The following PEX5 variants were observed in gnomAD, a reference collection of about 807,000 sequenced individuals.
The protein encoded by PEX5 is PTS1 receptor.
Under a neutral mutation model 82.9 loss-of-function variants are expected in PEX5, and 52 were observed. The ratio of observed to expected loss-of-function variants is 0.63; its 90% CI spans 0.50 to 0.79. PEX5 has a LOEUF of 0.79. PEX5 is among the 30% of genes least tolerant of loss of function. The probability of loss-of-function intolerance (pLI) is 0.00; values close to 1 mark genes in which losing one functional copy is unlikely to be tolerated. For missense variants in PEX5, 719 were observed against 815.2 expected, an observed-to-expected ratio of 0.88 and a Z score of 1.44; for synonymous variants, 300 against 318.8, an observed-to-expected ratio of 0.94 and a Z score of 0.63.
chr12:7,190,327 G>A (rs1940766443), intron 1 of PEX5, 35 bp from the exon 2 acceptor site: 2 of 1,610,104 alleles, frequency 1.2e-6, no homozygotes, highest in Non-Finnish European at 1.7e-6. Context: ...GGTCTGGCTT[G>A]GGTACCTCAG....
intron 6 of PEX5, among the ~76,000 whole-genome samples, chr12:7,200,223 A>T (rs1182947060): frequency 7.0e-6 from 1 of 142,310 alleles, no homozygotes; most frequent in Non-Finnish European, 1.5e-5. Context: ...GGTCGCGGCC[A>T]GGCAGAGGCG....
rs1171234790 is a variant in PEX5, at chr12:7,196,103, AT to A, written c.449-2905del. On this transcript the variant is annotated intron_variant, in intron 5 of 15. Transcript: ENST00000675855. ...TAATGTATTTCTTATGTTATAACGT[AT>A]TTCTTATTACATTATGTTATATATA... 1.9e-3 allele frequency among the ~76,000 whole-genome samples: 224 copies of A among 118,594 alleles called. 1 individual carries two copies. The highest frequency in any genetic ancestry group is 5.8e-3 in the African/African-American group (218 of 37,576). 77.8% of individuals were successfully genotyped at this position (118,594 alleles called of 152,430 possible).
At chr12:7,196,206 GTAA>G (rs201513368) in intron 5 of PEX5, among the ~76,000 whole-genome samples, 5 of 133,778 alleles carry the variant, frequency 3.7e-5, no homozygotes, top group East Asian at 2.1e-4. Flanking sequence ...TATATGTTAT[GTAA>G]TAATTATATA....
downstream of PEX5, among the ~76,000 whole-genome samples, chr12:7,212,272 A>AGTC (rs981098852): frequency 6.6e-6 from 1 of 151,938 alleles, no homozygotes; most frequent in African/African-American, 2.4e-5. Context: ...GCCAAAAAAA[A>AGTC]GTCTAACTTT....
chr12:7,217,904 ACAGT>A (rs1945823633), intron 17 of PEX5, among the ~76,000 whole-genome samples: 1 of 152,176 alleles, frequency 6.6e-6, no homozygotes, highest in South Asian at 2.1e-4. Context: ...AAGTCCCTTC[ACAGT>A]CAGTCCCTGG....
At chr12:7,216,823 G>T (rs1318846254) in intron 17 of PEX5, among the ~76,000 whole-genome samples, 2 of 152,090 alleles carry the variant, frequency 1.3e-5, no homozygotes, top group Non-Finnish European at 2.9e-5. Flanking sequence ...ACACAGCAGG[G>T]ACCCTGAAGT....
intron 5 of PEX5, among the ~76,000 whole-genome samples, chr12:7,196,043 T>A (rs1318430134): frequency 3.5e-5 from 5 of 142,468 alleles, no homozygotes; most frequent in African/African-American, 1.3e-4. Flanking sequence ...TTATATATAT[T>A]ATATATACAT....
rs1941018190 is a variant in PEX5 at position 7,191,113 on chromosome 12, TTC to T, written c.184-111_184-110del. ...CAGTTTCTCTTTATGTGTCTCCAGT[TTC>T]TGTGTTTTCCTTTCCTTGTATCTAA... On this transcript the variant is annotated intron_variant, in intron 3 of 15. Coordinates refer to ENST00000675855, the MANE Select transcript of PEX5 (RefSeq NM_001351132.2). 3 of 1,289,552 alleles carry T rather than the reference TTC, an allele frequency of 2.3e-6. No homozygotes were observed. In the East Asian group the frequency reaches 6.9e-5, roughly 30 times the overall value. The allele number at this position is 1,289,552 out of a possible 1,614,324, so 79.9% of individuals were successfully genotyped here.
downstream of PEX5, among the ~76,000 whole-genome samples, chr12:7,211,754 T>C (rs1945589873): frequency 6.6e-6 from 1 of 152,174 alleles, no homozygotes; most frequent in Non-Finnish European, 1.5e-5. Flanking sequence ...TTTTGTATTA[T>C]GAATTACATG....
chr12:7,214,304 G>T (rs1158763482), downstream of PEX5, among the ~76,000 whole-genome samples: 1 of 151,942 alleles, frequency 6.6e-6, no homozygotes, highest in Non-Finnish European at 1.5e-5. Context: ...CAATAGCAAA[G>T]ACTTGGAACC....
At chr12:7,202,976 G>A (rs1449991932) in intron 9 of PEX5, among the ~76,000 whole-genome samples, 1 of 152,010 alleles carries the variant, frequency 6.6e-6, no homozygotes, top group Non-Finnish European at 1.5e-5. Flanking sequence ...GAACAACATG[G>A]AGAAACCCCA....
intron 17 of PEX5, among the ~76,000 whole-genome samples, chr12:7,216,966 G>A (rs750158934): frequency 3.9e-5 from 6 of 152,228 alleles, no homozygotes; most frequent in Admixed American, 6.5e-5. Flanking sequence ...TAATTCATAC[G>A]TGTTTATTTT....
chr12:7,204,437 G>GT (rs1944511480), intron 10 of PEX5, among the ~76,000 whole-genome samples: 1 of 152,154 alleles, frequency 6.6e-6, no homozygotes, highest in Admixed American at 6.5e-5. Context: ...AAAGGCTAGA[G>GT]TTTGAGAGCC....
At chr12:7,195,641 C>T (rs995253685) in intron 5 of PEX5, among the ~76,000 whole-genome samples, 9 of 150,524 alleles carry the variant, frequency 6.0e-5, no homozygotes, top group African/African-American at 2.2e-4. Context: ...TTGAGAGGAC[C>T]ATTTCATAGG....
exon 18 of PEX5, chr12:7,218,564 C>A (rs1945844220): frequency 6.6e-6 from 1 of 152,152 alleles, no homozygotes; most frequent in Non-Finnish European, 1.5e-5. Context: ...AAAGTTTTGA[C>A]ACATATTAAA....
chr12:7,202,657 A>C lies in PEX5; in HGVS notation c.799A>C (p.Thr267Pro), dbSNP rs1445974761. The C allele has an allele frequency of 6.2e-7, 1 of 1,614,100 alleles. No homozygotes were observed. Among genetic ancestry groups the C allele is most frequent in the Non-Finnish European group, 8.5e-7 (1 of 1,180,036 alleles). The stretch of plus-strand genomic sequence containing the variant: ...TGACCAGTTCACAAGACCAGTAAAC[A>C]CATCTGCCCTTGATATGGAGTTTGA... Reference protein sequence around the residue: ...WVDQFTRPVNTSALDMEFERA... With the variant: ...WVDQFTRPVNPSALDMEFERA... The change falls in exon 9 of 16, where the codon ACA becomes CCA. Residue 267 changes from threonine to proline, a missense_variant. Transcript: ENST00000675855.
chr12:7,210,456 C>A lies in PEX5; in HGVS notation c.*233C>A. The A allele has an allele frequency of 1.7e-6, 1 of 604,678 alleles. No homozygotes were observed. Among genetic ancestry groups the A allele is most frequent in the East Asian group, 2.8e-5 (1 of 35,364 alleles). The allele number at this position is 604,678 out of a possible 1,614,324, so 37.5% of individuals were successfully genotyped here. On this transcript the variant is annotated 3_prime_UTR_variant, in exon 16 of 16. Transcript: ENST00000675855. ...CCTTGGTAATTCAAGGGCTGTACAT[C>A]CAGCTACAGATCTCTCTGCTCATCA...
At chr12:7,190,055 C>T (rs1218184671) in intron 1 of PEX5, 16 of 1,501,194 alleles carry the variant, frequency 1.1e-5, no homozygotes, top group Non-Finnish European at 1.4e-5. Flanking sequence ...GAAGCGTCCC[C>T]GTGGTCCCCC....
At chr12:7,211,955 A>AT (rs869133253), downstream of PEX5, among the ~76,000 whole-genome samples, 185 of 17,188 alleles carry the variant, frequency 0.011, 3 homozygotes, top group Admixed American at 0.02. Context: ...TGGAAAAAAA[A>AT]TTTTTTTTTT....
Sources: allele counts gnomAD v4.1 joint callset (sites outside exome capture counted in the v4.1 genomes callset), GRCh38; gene constraint gnomAD v4.1.1; transcripts MANE v1.5; gene names NCBI Gene and HGNC (gene_info 2026-07-23, HGNC 2026-07-21).